DPY19L4: variants seen among roughly 807,000 people sequenced by gnomAD.
DPY19L4 encodes dpy-19 like 4, also known as probable C-mannosyltransferase DPY19L4.
A neutral mutation model predicts 102.8 loss-of-function variants in DPY19L4; 97 were observed. That is an observed-to-expected ratio of 0.94 (90% CI 0.80 to 1.12). The LOEUF is 1.12. Ranked by LOEUF, DPY19L4 falls within the 50% of genes most tolerant of loss-of-function variation. The probability of loss-of-function intolerance (pLI) is 0.00; values close to 1 mark genes in which losing one functional copy is unlikely to be tolerated. For missense variants in DPY19L4, 815 were observed against 850.4 expected (o/e 0.96, Z 0.52); for synonymous variants, 252 against 283.1 (o/e 0.89, Z 1.10).
intron 2 of DPY19L4, among the ~76,000 whole-genome samples, chr8:94,730,963 T>C (rs1810925469): frequency 6.8e-6 from 1 of 147,194 alleles, no homozygotes. Context: ...CAGGCTGGTC[T>C]CAAACTCCCG....
chr8:94,734,405 C>T (rs1445382641), intron 2 of DPY19L4, among the ~76,000 whole-genome samples: 1 of 152,134 alleles, frequency 6.6e-6, no homozygotes, highest in African/African-American at 2.4e-5. Flanking sequence ...TTAAGCTCCT[C>T]TTGGCTTTGA....
chr8:94,733,341 G>A (rs1307761348), intron 2 of DPY19L4, among the ~76,000 whole-genome samples: 1 of 151,684 alleles, frequency 6.6e-6, no homozygotes, highest in African/African-American at 2.4e-5. Flanking sequence ...TAGCCAGGAT[G>A]GTCTCGATCT....
chr8:94,784,756 G>A (rs1354127851), intron 17 of DPY19L4, among the ~76,000 whole-genome samples: 1 of 152,164 alleles, frequency 6.6e-6, no homozygotes, highest in Non-Finnish European at 1.5e-5. Context: ...AAAGAAGGCT[G>A]TCAATTAATG....
At chr8:94,784,925 T>C (rs977155244) in intron 17 of DPY19L4, among the ~76,000 whole-genome samples, 8 of 152,234 alleles carry the variant, frequency 5.3e-5, no homozygotes, top group African/African-American at 1.9e-4. Context: ...GAATGTTTGG[T>C]ATGAATTTAA....
At chr8:94,728,230 C>T (rs948209272) in intron 2 of DPY19L4, among the ~76,000 whole-genome samples, 3 of 152,208 alleles carry the variant, frequency 2.0e-5, no homozygotes, top group Admixed American at 6.5e-5. Context: ...CTCAGGAAAG[C>T]GGTCTCAGGC....
chr8:94,755,758 G>T (rs938192798), intron 6 of DPY19L4, among the ~76,000 whole-genome samples: 1 of 152,080 alleles, frequency 6.6e-6, no homozygotes, highest in African/African-American at 2.4e-5. Flanking sequence ...GGTGACGCGC[G>T]CCTGTAATCC....
At chr8:94,781,941 C>A (rs183620872) in intron 16 of DPY19L4, among the ~76,000 whole-genome samples, 1 of 152,138 alleles carries the variant, frequency 6.6e-6, no homozygotes, top group Admixed American at 6.5e-5. Flanking sequence ...GGTGACAAAT[C>A]CTCAACCCAT....
chr8:94,793,713 A>G lies in DPY19L4; in HGVS notation c.*3803A>G, dbSNP rs897054338. ...ATTAGTATGTTTTTTAATGTGTAGA[A>G]TTAACACTTTAAAATAAACAGGTGT... On this transcript the variant is annotated 3_prime_UTR_variant, in exon 19 of 19. Transcript: ENST00000414645. 13 of 152,174 alleles carry G rather than the reference A, an allele frequency of 8.5e-5. No individual in the cohort carries two copies. The highest frequency in any genetic ancestry group is 3.1e-4 in the African/African-American group (13 of 41,418). 9.4% of individuals were successfully genotyped at this position (152,174 alleles called of 1,614,324 possible). A position where few individuals can be genotyped will look rare whatever the true frequency, so the allele number is the denominator to read the frequency against.
chr8:94,755,083 C>T (rs1035831369), intron 6 of DPY19L4, among the ~76,000 whole-genome samples: 2 of 152,066 alleles, frequency 1.3e-5, no homozygotes, highest in Non-Finnish European at 2.9e-5. Flanking sequence ...CCACCGTGCC[C>T]GGCCTGACAT....
chr8:94,754,937 C>T (rs111286919), intron 6 of DPY19L4, among the ~76,000 whole-genome samples: 5,712 of 152,196 alleles, frequency 0.038, 282 homozygotes, highest in African/African-American at 0.11. Flanking sequence ...TACAGGCACG[C>T]GCCACCACGG....
At chr8:94,769,949 G>A (rs1457961304) in intron 12 of DPY19L4, among the ~76,000 whole-genome samples, 3 of 147,930 alleles carry the variant, frequency 2.0e-5, no homozygotes, top group African/African-American at 2.5e-5. Flanking sequence ...GTGCAGTGGC[G>A]TGATCTTGGC....
At chr8:94,758,868 A>C (rs1226887522) in intron 7 of DPY19L4, among the ~76,000 whole-genome samples, 1 of 151,828 alleles carries the variant, frequency 6.6e-6, no homozygotes, top group Non-Finnish European at 1.5e-5. Context: ...CCTAGCAGCC[A>C]GGACTGCAGA....
Position 94,761,681 on chromosome 8 carries a change from T to C in DPY19L4, c.736-19T>C, listed in dbSNP as rs759661427. 6.4e-7 allele frequency: 1 copy of C among 1,567,644 alleles called. No homozygotes were observed. Among genetic ancestry groups the C allele is most frequent in the Admixed American group, 1.9e-5 (1 of 51,566 alleles). ...AATAAAGTTATTGATATTTAGTTTC[T>C]TTCATTTGTTTTCCCTAGAGGTTTT... On this transcript the variant is annotated intron_variant, in intron 7 of 18. Transcript: ENST00000414645.
At chr8:94,761,969 C>A in intron 8 of DPY19L4, 135 bp downstream of exon 8, 1 of 904,318 alleles carries the variant, frequency 1.1e-6, no homozygotes, top group Non-Finnish European at 1.5e-6. Flanking sequence ...GTTATTTGGA[C>A]AGAGAGAAGT....
At chr8:94,767,414 C>G (rs1007250729) in intron 11 of DPY19L4, among the ~76,000 whole-genome samples, 8 of 151,888 alleles carry the variant, frequency 5.3e-5, no homozygotes, top group African/African-American at 1.9e-4. Context: ...CTGCCTCAGC[C>G]CCCCGAGTAG....
rs1365248363 is a variant in DPY19L4 at position 94,791,407 on chromosome 8, T to C, written c.*1497T>C. 6.6e-6 allele frequency: 1 copy of C among 152,202 alleles called. No homozygotes were observed. The highest frequency in any genetic ancestry group is 1.5e-5 in the Non-Finnish European group (1 of 68,000). The allele number at this position is 152,202 out of a possible 1,614,324, so 9.4% of individuals were successfully genotyped here. A position where few individuals can be genotyped will look rare whatever the true frequency, so the allele number is the denominator to read the frequency against. Reference sequence around the variant, plus strand: ...AGAATTGTTTGATGGTGATGTCATATATCTGATAGATTAGTTTCAGTGGTT... The same window carrying C: ...AGAATTGTTTGATGGTGATGTCATACATCTGATAGATTAGTTTCAGTGGTT... On this transcript the variant is annotated 3_prime_UTR_variant, in exon 19 of 19. Coordinates refer to ENST00000414645, the MANE Select transcript of DPY19L4 (RefSeq NM_181787.3).
intron 1 of DPY19L4, among the ~76,000 whole-genome samples, chr8:94,725,797 G>C (rs1437515689): frequency 1.3e-5 from 2 of 152,020 alleles, no homozygotes; most frequent in African/African-American, 4.8e-5. Flanking sequence ...CACCATGCCA[G>C]GCTAATTTTT....
Position 94,738,356 on chromosome 8 carries a change from C to T in DPY19L4, c.253-13C>T. 1.4e-6 allele frequency: 2 copies of T among 1,422,978 alleles called. No homozygotes were observed. Among genetic ancestry groups the T allele is most frequent in the African/African-American group, 1.5e-5 (1 of 67,966 alleles). The allele number at this position is 1,422,978 out of a possible 1,614,324, so 88.1% of individuals were successfully genotyped here. On this transcript the variant is annotated splice_polypyrimidine_tract_variant and intron_variant, in intron 3 of 18. Coordinates refer to ENST00000414645, the MANE Select transcript of DPY19L4 (RefSeq NM_181787.3). ...AAAATTAAATTTTAAATAATAATTT[C>T]ATTTTCTTTTAGGAGCTTGAACGGG... is the stretch of plus-strand genomic sequence containing the variant.
chr8:94,772,933 C>T (rs939284202), intron 13 of DPY19L4, among the ~76,000 whole-genome samples: 5 of 152,170 alleles, frequency 3.3e-5, no homozygotes, highest in South Asian at 4.1e-4. Context: ...TATATGAGGC[C>T]AGGCATGGTG....
Sources: gnomAD v4.1 joint callset for allele counts (sites outside exome capture counted in the v4.1 genomes callset) on GRCh38, gnomAD v4.1.1 for gene constraint, MANE v1.5 for transcripts, NCBI Gene and HGNC (gene_info 2026-07-23, HGNC 2026-07-21) for gene names.